Variants in ERBB4 observed in about 807,000 individuals in gnomAD.
The protein encoded by ERBB4 is receptor tyrosine-protein kinase erbB-4.
A neutral mutation model predicts 158.0 loss-of-function variants in ERBB4; 42 were observed. The ratio of observed to expected loss-of-function variants is 0.27; its 90% CI spans 0.21 to 0.34. The LOEUF (loss-of-function observed/expected upper bound fraction) is 0.34. Ranked by LOEUF, ERBB4 falls within the 10% of genes least tolerant of loss-of-function variation. The pLI is 1.00. For synonymous variants in ERBB4, 583 were observed against 558.7 expected (o/e 1.04, Z -0.61); for missense variants, 1,333 against 1,624.1 (o/e 0.82, Z 3.08).
chr2:212,101,268 A>C (rs2079072467), intron 2 of ERBB4, among the ~76,000 whole-genome samples: 2 of 151,238 alleles, frequency 1.3e-5, no homozygotes, highest in African/African-American at 4.9e-5. Flanking sequence ...TGGATAAGTA[A>C]ATTTATGAAT....
chr2:211,978,440 A>ATCTATCT (rs67236718), intron 2 of ERBB4, among the ~76,000 whole-genome samples: 1 of 151,178 alleles, frequency 6.6e-6, no homozygotes, highest in African/African-American at 2.4e-5. Flanking sequence ...CTATCTATCT[A>ATCTATCT]ATTTAATGAG....
chr2:211,713,360 T>C (rs2073777197), intron 8 of ERBB4, among the ~76,000 whole-genome samples, 175 bp downstream of exon 8: 1 of 152,174 alleles, frequency 6.6e-6, no homozygotes, highest in Admixed American at 6.5e-5. Context: ...AACTCAATAA[T>C]ATACAGTGCT....
intron 22 of ERBB4, among the ~76,000 whole-genome samples, chr2:211,427,014 C>T (rs2063643424): frequency 1.3e-5 from 2 of 151,976 alleles, no homozygotes; most frequent in Non-Finnish European, 2.9e-5. Flanking sequence ...TTTGTCTATA[C>T]CTCAGACACA....
chr2:212,282,541 A>G (rs1214324305), intron 1 of ERBB4, among the ~76,000 whole-genome samples: 1 of 151,966 alleles, frequency 6.6e-6, no homozygotes, highest in Non-Finnish European at 1.5e-5. Flanking sequence ...TATTTATTTC[A>G]TAAACATTTC....
intron 20 of ERBB4, among the ~76,000 whole-genome samples, chr2:211,531,947 T>C (rs983932488): frequency 6.6e-6 from 1 of 151,990 alleles, no homozygotes; most frequent in Admixed American, 6.6e-5. Context: ...GAAAATCTGG[T>C]ACATATTCAG....
At position 211,750,625 on chromosome 2, in the gene ERBB4, T is replaced by C. The variant is rs1184906928; in HGVS notation, c.622+14A>G. On this transcript the variant is annotated intron_variant, in intron 5 of 27. Transcript: ENST00000342788. Reference sequence around the variant, plus strand: ...CCACATCAAACCTGTGTGCTCTCACTGATGAACACTTACAAGTCTGGCAAT... The same window carrying C: ...CCACATCAAACCTGTGTGCTCTCACCGATGAACACTTACAAGTCTGGCAAT... 1 of 1,611,548 alleles carries C rather than the reference T, an allele frequency of 6.2e-7. No individual in the cohort carries two copies. The highest frequency in any genetic ancestry group is 8.5e-7 in the Non-Finnish European group (1 of 1,177,794).
chr2:212,203,390 A>G (rs2082644123), intron 1 of ERBB4, among the ~76,000 whole-genome samples: 1 of 152,176 alleles, frequency 6.6e-6, no homozygotes, highest in African/African-American at 2.4e-5. Context: ...AAGCTGATGT[A>G]GCTGAAGTTG....
At chr2:211,956,187 G>C (rs149613693) in intron 2 of ERBB4, among the ~76,000 whole-genome samples, 1 of 151,946 alleles carries the variant, frequency 6.6e-6, no homozygotes, top group African/African-American at 2.4e-5. Context: ...TTTCCTATCA[G>C]ATAAACACAT....
At chr2:212,344,507 T>A (rs941569312) in intron 1 of ERBB4, among the ~76,000 whole-genome samples, 1 of 152,016 alleles carries the variant, frequency 6.6e-6, no homozygotes, top group African/African-American at 2.4e-5. Context: ...TATATGTGTG[T>A]GCATATATAT....
At chr2:211,824,452 T>C (rs2077054201) in intron 3 of ERBB4, among the ~76,000 whole-genome samples, 1 of 151,996 alleles carries the variant, frequency 6.6e-6, no homozygotes, top group South Asian at 2.1e-4. Flanking sequence ...AATCATACCA[T>C]TTAGACAACT....
At chr2:211,591,679 A>G (rs1227121420) in intron 19 of ERBB4, among the ~76,000 whole-genome samples, 1 of 152,106 alleles carries the variant, frequency 6.6e-6, no homozygotes, top group Non-Finnish European at 1.5e-5. Flanking sequence ...TCAGCTCTGC[A>G]GTCCTCAAAG....
At chr2:211,644,444 T>G (rs1376787748) in intron 16 of ERBB4, among the ~76,000 whole-genome samples, 2 of 72,960 alleles carry the variant, frequency 2.7e-5, no homozygotes, top group Non-Finnish European at 7.4e-5. Flanking sequence ...AGCCTCCAGA[T>G]AATGTAAGAG....
chr2:212,205,202 T>C (rs13424619), intron 1 of ERBB4, among the ~76,000 whole-genome samples: 82,739 of 151,780 alleles, frequency 0.55, 24,305 homozygotes, highest in African/African-American at 0.74. Context: ...GCTTTGCCAC[T>C]CAGGCTGGAG....
chr2:211,728,411 G>A (rs1257584529), intron 5 of ERBB4, among the ~76,000 whole-genome samples: 2 of 151,242 alleles, frequency 1.3e-5, no homozygotes, highest in African/African-American at 2.4e-5. Context: ...CATACATTAT[G>A]CTTATATTGA....
At chr2:211,697,725 T>C (rs1575004553) in intron 12 of ERBB4, among the ~76,000 whole-genome samples, 1 of 152,188 alleles carries the variant, frequency 6.6e-6, no homozygotes, top group East Asian at 1.9e-4. Flanking sequence ...ATAGATGATA[T>C]CCAGTGATTT....
chr2:211,838,251 G>A (rs2077385230), intron 3 of ERBB4, among the ~76,000 whole-genome samples: 1 of 151,958 alleles, frequency 6.6e-6, no homozygotes, highest in Non-Finnish European at 1.5e-5. Flanking sequence ...TCAGCGGGGT[G>A]GGGGATGGTG....
At chr2:212,374,325 A>T (rs1272747393) in intron 1 of ERBB4, among the ~76,000 whole-genome samples, 1 of 151,784 alleles carries the variant, frequency 6.6e-6, no homozygotes, top group Non-Finnish European at 1.5e-5. Flanking sequence ...TTAAAAATCC[A>T]TAAAATAAAT....
At chr2:211,560,460 G>A (rs1448280738) in intron 20 of ERBB4, among the ~76,000 whole-genome samples, 2 of 151,548 alleles carry the variant, frequency 1.3e-5, no homozygotes, top group East Asian at 3.9e-4. Flanking sequence ...TTTTAGTAGA[G>A]ATGGGGTTTC....
At chr2:211,427,047 G>A (rs113168128) in intron 22 of ERBB4, among the ~76,000 whole-genome samples, 4,107 of 151,978 alleles carry the variant, frequency 0.027, 100 homozygotes, top group African/African-American at 0.061. Flanking sequence ...TTTCTAAGCT[G>A]AGTAAAATAA....
Sources: allele counts gnomAD v4.1 joint callset (sites outside exome capture counted in the v4.1 genomes callset), GRCh38; gene constraint gnomAD v4.1.1; transcripts MANE v1.5; gene names NCBI Gene and HGNC (gene_info 2026-07-23, HGNC 2026-07-21).